The following FNDC3A variants were observed in gnomAD, a reference collection of about 807,000 sequenced individuals.
The protein encoded by FNDC3A is fibronectin type III domain containing 3A.
FNDC3A carries 32 observed loss-of-function variants against 148.9 expected under a neutral mutation model. The ratio of observed to expected loss-of-function variants is 0.21; its 90% CI spans 0.16 to 0.29. FNDC3A has a LOEUF of 0.29. Ranked by LOEUF, FNDC3A falls within the 10% of genes least tolerant of loss-of-function variation. The pLI, the probability that FNDC3A is intolerant of heterozygous loss-of-function variation, is 1.00. For synonymous variants in FNDC3A, 472 were observed against 473.6 expected, an observed-to-expected ratio of 1.00 and a Z score of 0.04; for missense variants, 1,191 against 1,452.8, an observed-to-expected ratio of 0.82 and a Z score of 2.93.
At chr13:49,019,423 T>C (rs1464808753) in intron 2 of FNDC3A, among the ~76,000 whole-genome samples, 1 of 152,250 alleles carries the variant, frequency 6.6e-6, no homozygotes, top group Non-Finnish European at 1.5e-5. Context: ...TGACCCCTTG[T>C]GCTTCCGGAG....
At chr13:49,204,737 C>T (rs1886570551) in intron 25 of FNDC3A, among the ~76,000 whole-genome samples, 1 of 150,234 alleles carries the variant, frequency 6.7e-6, no homozygotes, top group Non-Finnish European at 1.5e-5. Flanking sequence ...TATAAACCTT[C>T]TGAAATTAGC....
chr13:49,192,052 C>T (rs1164026806), intron 19 of FNDC3A, among the ~76,000 whole-genome samples: 2 of 152,186 alleles, frequency 1.3e-5, no homozygotes, highest in African/African-American at 2.4e-5. Context: ...AGAGCCAAAG[C>T]TCTTTCCACT....
chr13:49,085,474 C>G (rs1297179073), intron 3 of FNDC3A, among the ~76,000 whole-genome samples: 1 of 152,188 alleles, frequency 6.6e-6, no homozygotes, highest in African/African-American at 2.4e-5. Context: ...GTAACCTGCT[C>G]TGATATCCTG....
At chr13:49,056,186 CAAA>C (rs71076063) in intron 2 of FNDC3A, among the ~76,000 whole-genome samples, 2 of 131,346 alleles carry the variant, frequency 1.5e-5, no homozygotes, top group Admixed American at 7.6e-5. Flanking sequence ...GACCCTGCCT[CAAA>C]AAAAAAAAAA....
At chr13:49,068,833 A>G (rs1877449259) in intron 2 of FNDC3A, among the ~76,000 whole-genome samples, 1 of 152,206 alleles carries the variant, frequency 6.6e-6, no homozygotes. Context: ...GTTCTTACTT[A>G]CAAGTGGGAG....
At chr13:49,033,218 TA>T (rs1457144286) in intron 2 of FNDC3A, among the ~76,000 whole-genome samples, 1 of 152,190 alleles carries the variant, frequency 6.6e-6, no homozygotes, top group Non-Finnish European at 1.5e-5. Context: ...AGCATACTCT[TA>T]AATTCTGACT....
At chr13:49,152,497 C>CA (rs1300212885) in intron 8 of FNDC3A, among the ~76,000 whole-genome samples, 9 of 143,774 alleles carry the variant, frequency 6.3e-5, no homozygotes, top group East Asian at 2.1e-4. Context: ...GGGTAGATTG[C>CA]AAAAAAAATT....
chr13:49,147,684 A>G (rs1883071351), intron 8 of FNDC3A, among the ~76,000 whole-genome samples: 1 of 152,214 alleles, frequency 6.6e-6, no homozygotes, highest in Non-Finnish European at 1.5e-5. Context: ...ATAGTGCTGC[A>G]GTAAATGTGG....
At chr13:49,111,135 T>C (rs973171268) in intron 3 of FNDC3A, among the ~76,000 whole-genome samples, 4 of 152,230 alleles carry the variant, frequency 2.6e-5, no homozygotes, top group East Asian at 3.8e-4. Flanking sequence ...ATCTCCCTCA[T>C]TGCATACAAA....
intron 2 of FNDC3A, among the ~76,000 whole-genome samples, chr13:49,028,129 C>T (rs112961217): frequency 0.011 from 1,732 of 151,554 alleles, 36 homozygotes; most frequent in African/African-American, 0.039. Context: ...GCAGGAGAAT[C>T]GCTTGAACCC....
rs763511558 is a variant in FNDC3A at position 49,187,190 on chromosome 13, G to T, written c.1825G>T (p.Gly609Ter). Residue 609 changes from glycine (G) to a stop codon, truncating the protein, a stop_gained and splice_region_variant, in exon 16 of 26, where the codon GGA becomes TGA. Coordinates refer to ENST00000492622, the MANE Select transcript of FNDC3A (RefSeq NM_001079673.2). LOFTEE classifies it high-confidence loss of function. The stretch of plus-strand genomic sequence containing the variant: ...AGTGGAGATGGCAGAAGGTTCTAAC[G>T]GTATGAATGGATATTAAACACTGAT... The part of the protein sequence containing the change: ...YVVEMAEGSN[G>*]NKWEMIYSGA... 1.9e-6 allele frequency: 3 copies of T among 1,589,386 alleles called. No homozygotes were observed. Among genetic ancestry groups the T allele is most frequent in the Non-Finnish European group, 2.6e-6 (3 of 1,158,674 alleles).
intron 2 of FNDC3A, among the ~76,000 whole-genome samples, chr13:49,068,955 C>T (rs1031848537): frequency 1.3e-5 from 2 of 152,078 alleles, no homozygotes; most frequent in African/African-American, 4.8e-5. Context: ...CTATTGGGTA[C>T]TAGATTTAGT....
chr13:49,121,172 G>C (rs980212051), intron 4 of FNDC3A, among the ~76,000 whole-genome samples: 1 of 152,158 alleles, frequency 6.6e-6, no homozygotes, highest in Non-Finnish European at 1.5e-5. Flanking sequence ...AATCAAATTA[G>C]AACTCAGGAT....
chr13:49,030,763 TAA>T (rs1874051491), intron 2 of FNDC3A, among the ~76,000 whole-genome samples: 1 of 151,816 alleles, frequency 6.6e-6, no homozygotes, highest in South Asian at 2.1e-4. Flanking sequence ...TACAACAGAA[TAA>T]AAAAGAATAA....
intron 2 of FNDC3A, chr13:49,043,976 T>A (rs939489006): frequency 6.6e-6 from 1 of 152,224 alleles, no homozygotes; most frequent in Non-Finnish European, 1.5e-5. Flanking sequence ...TAACAAATTG[T>A]TTGTAGTTTA....
chr13:49,141,428 T>C (rs1006966721), intron 7 of FNDC3A, among the ~76,000 whole-genome samples: 1 of 152,198 alleles, frequency 6.6e-6, no homozygotes, highest in Admixed American at 6.5e-5. Context: ...CCTTTACCTT[T>C]TTGTGGTTAC....
Position 49,131,273 on chromosome 13 carries a change from C to T in FNDC3A, c.389C>T (p.Pro130Leu), listed in dbSNP as rs765409328. Residue 130 changes from proline (P) to leucine (L), a missense_variant, in exon 5 of 26, where the codon CCG (proline) becomes CTG (leucine). Transcript: ENST00000492622. ...TTCATTCCTGTCCCAACTATGATGC[C>T]GCCTCCACCACGTCATATGTACTCA... Reference protein sequence around the residue: ...PGFIPVPTMMPPPPRHMYSPV... With the variant: ...PGFIPVPTMMLPPPRHMYSPV... 12 of 1,613,796 alleles carry T rather than the reference C, an allele frequency of 7.4e-6. No homozygotes were observed. The highest frequency in any genetic ancestry group is 2.2e-5 in the South Asian group (2 of 91,064).
In FNDC3A at chr13:49,185,986, G is replaced by A. The variant is rs1885547755; in HGVS notation, c.1640G>A (p.Gly547Asp). The A allele has an allele frequency of 1.2e-6, 2 of 1,611,850 alleles. No individual in the cohort carries two copies. Among genetic ancestry groups the A allele is most frequent in the Non-Finnish European group, 1.7e-6 (2 of 1,178,486 alleles). Residue 547 changes from glycine to aspartate, a missense_variant, in exon 15 of 26, where the codon GGT becomes GAT. By Grantham distance (94) the Gly-to-Asp change is moderately conservative. Transcript: ENST00000492622. ...CAGGTTATTGCTTACAACTCAGAAG[G>A]TAAAAGTAATCCAAGTGAAGTAGTA... ...KFKVIAYNSE[G>D]KSNPSEVVEF...
At chr13:49,106,978 AAAAG>A (rs1430332157) in intron 3 of FNDC3A, among the ~76,000 whole-genome samples, 7 of 152,270 alleles carry the variant, frequency 4.6e-5, no homozygotes, top group East Asian at 1.9e-4. Flanking sequence ...AATTATTTTT[AAAAG>A]AAAGGTAAGA....
Sources: gnomAD v4.1 joint callset for allele counts (sites outside exome capture counted in the v4.1 genomes callset) on GRCh38, gnomAD v4.1.1 for gene constraint, MANE v1.5 for transcripts, NCBI Gene and HGNC (gene_info 2026-07-23, HGNC 2026-07-21) for gene names.